Variants in TCF20 observed in about 807,000 individuals in gnomAD.
TCF20 encodes SPRE-binding protein.
TCF20 carries 3 observed loss-of-function variants against 148.6 expected under a neutral mutation model. The observed-to-expected ratio is 0.02, with a 90% CI of 0.01 to 0.05. The LOEUF (loss-of-function observed/expected upper bound fraction) is 0.05. TCF20 is among the 10% of genes least tolerant of loss of function. The probability of loss-of-function intolerance (pLI) is 1.00; values close to 1 mark genes in which losing one functional copy is unlikely to be tolerated. For missense variants in TCF20, 2,350 were observed against 2,429.3 expected, an observed-to-expected ratio of 0.97 and a Z score of 0.69; for synonymous variants, 1,049 against 909.5, an observed-to-expected ratio of 1.15 and a Z score of -2.76.
intron 1 of TCF20, among the ~76,000 whole-genome samples, chr22:42,231,928 CAA>C (rs55642530): frequency 0.46 from 56,346 of 123,470 alleles, 11,899 homozygotes; most frequent in South Asian, 0.57. Flanking sequence ...GACTCCGTCT[CAA>C]AAAAAAAAAA....
Position 42,209,973 on chromosome 22 carries a change from C to T in TCF20, c.5333G>A (p.Arg1778Lys). Reference protein sequence around the residue: ...EEQQQQQKEQRSLAAHPRFKR... With the variant: ...EEQQQQQKEQKSLAAHPRFKR... Reference sequence around the variant, plus strand: ...AAACCTGGGGTGTGCGGCCAGGCTTCTCTGCTCCTTCTGCTGCTGCTGCTG... The same window carrying T: ...AAACCTGGGGTGTGCGGCCAGGCTTTTCTGCTCCTTCTGCTGCTGCTGCTG... The change falls in exon 2 of 6, where the codon AGA becomes AAA. Residue 1778 changes from arginine (R) to lysine (K), a missense_variant. Physicochemically the swap from Arg to Lys is conservative, Grantham distance 26. This residue lies in a region of TCF20 where 374 missense variants were observed against 398.3 expected (regional missense o/e 0.94). Coordinates refer to ENST00000677622, the MANE Select transcript of TCF20 (RefSeq NM_001378418.1). 1 of 1,613,774 alleles carries T rather than the reference C, an allele frequency of 6.2e-7. No homozygotes were observed.
In TCF20 at chr22:42,212,651, C is replaced by T; in HGVS notation, c.2655G>A (p.Leu885=). Residue 885 remains leucine, a synonymous_variant, in exon 2 of 6, where the codon CTG becomes CTA. Transcript: ENST00000677622. ...QIVRDPGAHS[L]GHMSADTRIG... ...TTCTGGTGTCGGCACTCATGTGTCC[C>T]AGTGAGTGAGCCCCTGGGTCCCTGA... is the stretch of plus-strand genomic sequence containing the variant. 1 of 1,614,170 alleles carries T rather than the reference C, an allele frequency of 6.2e-7. No homozygotes were observed. The highest frequency in any genetic ancestry group is 1.1e-5 in the South Asian group (1 of 91,074).
chr22:42,243,745 A>C (rs1292512058), intron 1 of TCF20, among the ~76,000 whole-genome samples: 1 of 152,220 alleles, frequency 6.6e-6, no homozygotes, highest in Non-Finnish European at 1.5e-5. Context: ...GAGGGAGGGT[A>C]AACAGGAACT....
chr22:42,254,585 A>G (rs1042364160), intron 1 of TCF20, among the ~76,000 whole-genome samples: 1 of 152,252 alleles, frequency 6.6e-6, no homozygotes. Flanking sequence ...GCCCTAAGGC[A>G]GGACTCTAAT....
chr22:42,268,237 T>C lies in TCF20; in HGVS notation c.-37+2102A>G, dbSNP rs140616634. Among the ~76,000 whole-genome samples the C allele has an allele frequency of 9.7e-3, 1,483 of 152,338 alleles. 29 individuals carry two copies. Among genetic ancestry groups the C allele is most frequent in the African/African-American group, 0.034 (1,418 of 41,572 alleles). The stretch of plus-strand genomic sequence containing the variant: ...TCTGAGAAAGACATATTGTAACATA[T>C]TGGGCTCATATCCGGCCCAGCAGCA... On this transcript the variant is annotated intron_variant, in intron 1 of 5. Transcript: ENST00000677622.
chr22:42,211,886 T>C lies in TCF20; in HGVS notation c.3420A>G (p.Lys1140=), dbSNP rs140638259. Residue 1140 remains lysine, a synonymous_variant, in exon 2 of 6, where the codon AAA becomes AAG. Coordinates refer to ENST00000677622, the MANE Select transcript of TCF20 (RefSeq NM_001378418.1). ...CTGGTGGGCCATACATCATACCATC[T>C]TTGTCATTTTTCAGAGGGCTCCGTA... ...DRVRSPLKND[K]DGMMYGPPVG... is the part of the protein sequence containing the mutation. 1.5e-5 allele frequency: 25 copies of C among 1,614,030 alleles called. No individual in the cohort carries two copies. The highest frequency in any genetic ancestry group is 2.0e-5 in the Non-Finnish European group (24 of 1,180,048).
At chr22:42,219,532 A>G (rs1393643484) in intron 1 of TCF20, among the ~76,000 whole-genome samples, 2 of 151,792 alleles carry the variant, frequency 1.3e-5, no homozygotes, top group Non-Finnish European at 2.9e-5. Context: ...ACCTCAAAGG[A>G]ATAAGTCACC....
chr22:42,337,331 A>C (rs780074350), intron 1 of TCF20, among the ~76,000 whole-genome samples: 2 of 142,826 alleles, frequency 1.4e-5, no homozygotes, highest in Non-Finnish European at 1.5e-5. Context: ...TCCCTCCCCC[A>C]GTCTTCAGTA....
intron 2 of TCF20, among the ~76,000 whole-genome samples, chr22:42,203,787 T>G (rs1938202303): frequency 6.7e-6 from 1 of 149,120 alleles, no homozygotes; most frequent in African/African-American, 2.5e-5. Context: ...AGAAAGGGAG[T>G]GTGGGAATGT....
chr22:42,289,975 T>C (rs2147025091), intron 1 of TCF20, among the ~76,000 whole-genome samples: 1 of 152,372 alleles, frequency 6.6e-6, no homozygotes, highest in African/African-American at 2.4e-5. Flanking sequence ...CTCCCACCGC[T>C]AATCGCCGTA....
At chr22:42,177,308 G>A (rs1050893190) in intron 3 of TCF20, among the ~76,000 whole-genome samples, 1 of 152,256 alleles carries the variant, frequency 6.6e-6, no homozygotes, top group African/African-American at 2.4e-5. Context: ...CCAGCTACTC[G>A]GGAGGCTGTG....
rs184834896 is a variant in TCF20 at position 42,232,112 on chromosome 22, C to T, written c.-36-16771G>A. Among the ~76,000 whole-genome samples the T allele has an allele frequency of 3.3e-3, 502 of 152,202 alleles. 4 individuals are homozygous for T. Among genetic ancestry groups the T allele is most frequent in the African/African-American group, 0.012 (489 of 41,518 alleles). On this transcript the variant is annotated intron_variant, in intron 1 of 5. Transcript: ENST00000677622. Reference sequence around the variant, plus strand: ...TCACTGACTCACCCAGAACAACTTCCTTATCTTTTATACCTTATTTTTACT... The same window carrying T: ...TCACTGACTCACCCAGAACAACTTCTTTATCTTTTATACCTTATTTTTACT...
chr22:42,215,234 T>C lies in TCF20; in HGVS notation c.72A>G (p.Ser24=), dbSNP rs765682893. The change falls in exon 2 of 6, where the codon TCA becomes TCG. Residue 24 remains serine, a synonymous_variant. Transcript: ENST00000677622. Reference sequence around the variant, plus strand: ...GAGGGCTGAACTCTTCTAGCCGGGATGAGCCGTGTACCTCCTGTGGGTAGC... The same window carrying C: ...GAGGGCTGAACTCTTCTAGCCGGGACGAGCCGTGTACCTCCTGTGGGTAGC... ...QQSYPQEVHG[S]SRLEEFSPRQ... is the part of the protein sequence containing the mutation. 3.1e-6 allele frequency: 5 copies of C among 1,614,088 alleles called. No homozygotes were observed. The highest frequency in any genetic ancestry group is 1.7e-5 in the Admixed American group (1 of 60,012).
chr22:42,227,028 ATC>A (rs907286743), intron 1 of TCF20, among the ~76,000 whole-genome samples: 2 of 152,218 alleles, frequency 1.3e-5, no homozygotes, highest in African/African-American at 4.8e-5. Context: ...CACGCCTGTA[ATC>A]CCAGCACTTT....
At chr22:42,176,129 A>C (rs114804601) in intron 3 of TCF20, among the ~76,000 whole-genome samples, 3,396 of 152,286 alleles carry the variant, frequency 0.022, 151 homozygotes, top group African/African-American at 0.078. Flanking sequence ...TCCGTTGATC[A>C]AATAGTGCCT....
intron 5 of TCF20, among the ~76,000 whole-genome samples, chr22:42,166,294 A>G (rs994260729): frequency 6.6e-6 from 1 of 152,184 alleles, no homozygotes; most frequent in Non-Finnish European, 1.5e-5. Flanking sequence ...TTCAACCCAG[A>G]AGGATGAAGC....
intron 1 of TCF20, among the ~76,000 whole-genome samples, chr22:42,224,681 A>G (rs953835529): frequency 2.6e-5 from 4 of 152,112 alleles, no homozygotes; most frequent in African/African-American, 9.7e-5. Context: ...AAAAACTGGC[A>G]ACAACCTATT....
intron 1 of TCF20, among the ~76,000 whole-genome samples, chr22:42,304,279 C>T (rs571076046): frequency 3.9e-5 from 6 of 152,338 alleles, no homozygotes; most frequent in South Asian, 2.1e-4. Flanking sequence ...GCTAGATTCC[C>T]GCCTAGAAAT....
intron 2 of TCF20, among the ~76,000 whole-genome samples, chr22:42,189,162 G>T (rs1178163446): frequency 2.0e-5 from 3 of 152,204 alleles, no homozygotes; most frequent in African/African-American, 7.2e-5. Context: ...TGATATGGAA[G>T]AGTTTGGGTA....
Sources: gnomAD v4.1 joint callset for allele counts (sites outside exome capture counted in the v4.1 genomes callset) on GRCh38, gnomAD v4.1.1 for gene constraint, gnomAD v4.1.1 regional missense constraint, MANE v1.5 for transcripts, NCBI Gene and HGNC (gene_info 2026-07-23, HGNC 2026-07-21) for gene names.